SLC35F1: variants seen among roughly 807,000 people sequenced by gnomAD.
SLC35F1 encodes solute carrier family 35 member F1.
SLC35F1 carries 14 observed loss-of-function variants against 48.7 expected under a neutral mutation model. The ratio of observed to expected loss-of-function variants is 0.29; its 90% CI spans 0.19 to 0.45. The LOEUF (loss-of-function observed/expected upper bound fraction) is 0.45, where lower values mean the gene tolerates loss of function less well. Among genes scored for constraint, SLC35F1 ranks in the 20% least tolerant of loss-of-function variants. The pLI is 1.00. For missense variants in SLC35F1, 404 were observed against 500.0 expected, an observed-to-expected ratio of 0.81 and a Z score of 1.83; for synonymous variants, 190 against 202.2, an observed-to-expected ratio of 0.94 and a Z score of 0.51.
At chr6:118,140,005 A>T (rs1773859813) in intron 1 of SLC35F1, among the ~76,000 whole-genome samples, 1 of 152,192 alleles carries the variant, frequency 6.6e-6, no homozygotes, top group South Asian at 2.1e-4. Flanking sequence ...GGAACTTTAA[A>T]AAAATGGATG....
chr6:117,918,928 C>T (rs879775529), intron 1 of SLC35F1, among the ~76,000 whole-genome samples: 24 of 152,022 alleles, frequency 1.6e-4, no homozygotes, highest in Admixed American at 7.2e-4. Context: ...CAAAGTTTCA[C>T]GCCATCATCC....
chr6:118,088,239 G>A (rs959342196), intron 1 of SLC35F1, among the ~76,000 whole-genome samples: 4 of 152,196 alleles, frequency 2.6e-5, no homozygotes, highest in African/African-American at 9.7e-5. Flanking sequence ...TTATGGTGAA[G>A]TATCCTTTTA....
chr6:118,159,727 G>C (rs1053095002), intron 2 of SLC35F1, among the ~76,000 whole-genome samples: 1 of 152,166 alleles, frequency 6.6e-6, no homozygotes, highest in African/African-American at 2.4e-5. Context: ...GACTTTTAAA[G>C]ACAAAGGTGA....
chr6:117,918,818 G>A (rs753044560), intron 1 of SLC35F1, among the ~76,000 whole-genome samples: 18 of 152,086 alleles, frequency 1.2e-4, no homozygotes, highest in Non-Finnish European at 1.8e-4. Context: ...ATTTGAGGGG[G>A]CTCAGTAGGA....
intron 1 of SLC35F1, among the ~76,000 whole-genome samples, chr6:118,023,053 C>T (rs1300481879): frequency 1.3e-5 from 2 of 152,104 alleles, no homozygotes; most frequent in East Asian, 1.9e-4. Context: ...CCACCATGCC[C>T]GGCCGGGCAA....
intron 3 of SLC35F1, among the ~76,000 whole-genome samples, chr6:118,261,131 G>A (rs1775706706): frequency 6.6e-6 from 1 of 152,184 alleles, no homozygotes; most frequent in Non-Finnish European, 1.5e-5. Flanking sequence ...TTGATGCAAA[G>A]TGATTAAACA....
At chr6:118,296,146 T>C (rs753143966) in intron 7 of SLC35F1, among the ~76,000 whole-genome samples, 1 of 152,234 alleles carries the variant, frequency 6.6e-6, no homozygotes, top group African/African-American at 2.4e-5. Context: ...TAAAGTTCTA[T>C]TGGAGCAGAG....
At chr6:118,281,538 A>G (rs1582768274) in intron 6 of SLC35F1, among the ~76,000 whole-genome samples, 1 of 152,280 alleles carries the variant, frequency 6.6e-6, no homozygotes, top group East Asian at 1.9e-4. Flanking sequence ...AGAAAGAAAG[A>G]AAGAAACCAT....
chr6:117,982,366 G>A (rs1009751314), intron 1 of SLC35F1, among the ~76,000 whole-genome samples: 8 of 152,156 alleles, frequency 5.3e-5, no homozygotes, highest in African/African-American at 1.9e-4. Flanking sequence ...TATTTAATGA[G>A]GATTTTGACT....
chr6:118,140,477 C>A (rs901864183), intron 1 of SLC35F1, among the ~76,000 whole-genome samples: 1 of 152,080 alleles, frequency 6.6e-6, no homozygotes, highest in African/African-American at 2.4e-5. Flanking sequence ...ATAGCACATA[C>A]AATTATGTAC....
At chr6:118,094,275 A>G (rs1471310004) in intron 1 of SLC35F1, among the ~76,000 whole-genome samples, 2 of 152,200 alleles carry the variant, frequency 1.3e-5, no homozygotes, top group Non-Finnish European at 2.9e-5. Context: ...CCATTGAAAC[A>G]TTAGAGAAAA....
intron 3 of SLC35F1, among the ~76,000 whole-genome samples, chr6:118,239,290 C>T (rs1270465800): frequency 6.7e-6 from 1 of 150,270 alleles, no homozygotes; most frequent in African/African-American, 2.5e-5. Context: ...ACATTGATTT[C>T]CAGTATTTTG....
intron 2 of SLC35F1, among the ~76,000 whole-genome samples, chr6:118,217,857 C>G (rs1343717409): frequency 1.3e-5 from 2 of 152,098 alleles, no homozygotes; most frequent in Non-Finnish European, 2.9e-5. Flanking sequence ...GAAATTTCAC[C>G]TTCTGTTGCT....
intron 1 of SLC35F1, among the ~76,000 whole-genome samples, chr6:118,131,221 A>G (rs1234197543): frequency 6.7e-6 from 1 of 150,364 alleles, no homozygotes; most frequent in Non-Finnish European, 1.5e-5. Flanking sequence ...TGATTCATCA[A>G]AGTTGTAACA....
chr6:118,015,480 G>T (rs927965642), intron 1 of SLC35F1, among the ~76,000 whole-genome samples: 4 of 151,306 alleles, frequency 2.6e-5, no homozygotes, highest in Middle Eastern at 3.4e-3. Flanking sequence ...AGTATCTGTT[G>T]TTCCCCTTTT....
At chr6:117,989,083 G>A (rs1776884086) in intron 1 of SLC35F1, among the ~76,000 whole-genome samples, 1 of 152,156 alleles carries the variant, frequency 6.6e-6, no homozygotes, top group African/African-American at 2.4e-5. Context: ...CTCAAGTCTC[G>A]GATGATTCGT....
chr6:118,168,582 G>A (rs1164301943), intron 2 of SLC35F1, among the ~76,000 whole-genome samples: 1 of 152,146 alleles, frequency 6.6e-6, no homozygotes, highest in Non-Finnish European at 1.5e-5. Flanking sequence ...ACCGTGGAAA[G>A]TGAAAATGCA....
chr6:118,137,506 TC>T (rs1240767207), intron 1 of SLC35F1, among the ~76,000 whole-genome samples: 18 of 152,058 alleles, frequency 1.2e-4, no homozygotes. Context: ...CCCCAAACTC[TC>T]CCATCCCAGT....
chr6:118,016,771 G>C (rs896268885), intron 1 of SLC35F1, among the ~76,000 whole-genome samples: 1 of 152,166 alleles, frequency 6.6e-6, no homozygotes, highest in Admixed American at 6.5e-5. Context: ...TCATCCAAAA[G>C]CTTCTTTTTA....
Sources: gnomAD v4.1 joint callset for allele counts (sites outside exome capture counted in the v4.1 genomes callset) on GRCh38, gnomAD v4.1.1 for gene constraint, MANE v1.5 for transcripts, NCBI Gene and HGNC (gene_info 2026-07-23, HGNC 2026-07-21) for gene names.